The following ZFYVE9 variants were observed in gnomAD, a reference collection of about 807,000 sequenced individuals.
The protein encoded by ZFYVE9 is zinc finger FYVE domain-containing protein 9.
A neutral mutation model predicts 126.7 loss-of-function variants in ZFYVE9; 43 were observed. That is an observed-to-expected ratio of 0.34 (90% CI 0.27 to 0.44). The LOEUF (loss-of-function observed/expected upper bound fraction) is 0.44. ZFYVE9 is among the 20% of genes least tolerant of loss of function. ZFYVE9 has a pLI of 1.00. For missense variants in ZFYVE9, 1,476 were observed against 1,697.0 expected, an observed-to-expected ratio of 0.87 and a Z score of 2.29; for synonymous variants, 521 against 597.4, an observed-to-expected ratio of 0.87 and a Z score of 1.87.
intron 4 of ZFYVE9, among the ~76,000 whole-genome samples, chr1:52,250,608 T>C (rs560421787): frequency 6.6e-6 from 1 of 152,222 alleles, no homozygotes; most frequent in Non-Finnish European, 1.5e-5. Context: ...GTGCCTTTTA[T>C]TTATTTTTAA....
At chr1:52,143,516 G>C (rs1644280573) in intron 1 of ZFYVE9, among the ~76,000 whole-genome samples, 1 of 152,218 alleles carries the variant, frequency 6.6e-6, no homozygotes, top group Admixed American at 6.5e-5. Flanking sequence ...TTATAGAAAG[G>C]TACCATGTTG....
intron 10 of ZFYVE9, among the ~76,000 whole-genome samples, chr1:52,285,659 A>T (rs1645851415): frequency 6.6e-6 from 1 of 152,200 alleles, no homozygotes; most frequent in African/African-American, 2.4e-5. Flanking sequence ...AAACAAGCTC[A>T]GGGATCCCAC....
At chr1:52,201,846 C>T (rs955959441) in intron 1 of ZFYVE9, among the ~76,000 whole-genome samples, 6 of 151,338 alleles carry the variant, frequency 4.0e-5, no homozygotes, top group Non-Finnish European at 8.8e-5. Flanking sequence ...TGCAGTGGCA[C>T]GATCTTGGCT....
At chr1:52,168,123 T>G (rs1426752950) in intron 1 of ZFYVE9, among the ~76,000 whole-genome samples, 1 of 152,096 alleles carries the variant, frequency 6.6e-6, no homozygotes. Context: ...GAAAACTTAT[T>G]AAAATCTGTC....
chr1:52,263,224 G>A (rs1237455707), intron 4 of ZFYVE9, among the ~76,000 whole-genome samples: 1 of 152,140 alleles, frequency 6.6e-6, no homozygotes, highest in South Asian at 2.1e-4. Context: ...ATTGCCTGCT[G>A]TGATTTCCTG....
intron 13 of ZFYVE9, among the ~76,000 whole-genome samples, chr1:52,318,817 G>A (rs1477546226): frequency 6.6e-6 from 1 of 152,104 alleles, no homozygotes; most frequent in Non-Finnish European, 1.5e-5. Context: ...GATACAGTAG[G>A]CCAGGTGTGG....
chr1:52,220,701 G>T (rs919298946), intron 2 of ZFYVE9, among the ~76,000 whole-genome samples: 3 of 152,084 alleles, frequency 2.0e-5, no homozygotes, highest in Admixed American at 2.0e-4. Flanking sequence ...CCTCATGAGG[G>T]GCTTAGACAG....
At chr1:52,155,272 C>T (rs1225555552) in intron 1 of ZFYVE9, among the ~76,000 whole-genome samples, 6 of 134,140 alleles carry the variant, frequency 4.5e-5, no homozygotes, top group African/African-American at 8.6e-5. Context: ...GTCTCGCTGT[C>T]GCCCAGGCTG....
chr1:52,319,810 C>T (rs150621404), intron 13 of ZFYVE9, among the ~76,000 whole-genome samples: 102 of 149,964 alleles, frequency 6.8e-4, no homozygotes, highest in Middle Eastern at 7.1e-3. Flanking sequence ...GTCAGGAGAT[C>T]GAGACCATCC....
intron 17 of ZFYVE9, among the ~76,000 whole-genome samples, chr1:52,340,835 A>G (rs1299694643): frequency 6.8e-6 from 1 of 147,676 alleles, no homozygotes. Context: ...CGGGAGGCAG[A>G]GGTTACAGTG....
chr1:52,255,964 TTTTCTTTCTTTCTTTCTTTCC>T (rs1645510563), intron 4 of ZFYVE9, among the ~76,000 whole-genome samples: 1 of 68,572 alleles, frequency 1.5e-5, no homozygotes, highest in African/African-American at 9.0e-5. Flanking sequence ...TTTTCTTTTC[TTTTCTTTCTTTCTTTCTTTCC>T]TTCCTTCCTT....
At chr1:52,325,522 A>G (rs1646282244) in intron 13 of ZFYVE9, among the ~76,000 whole-genome samples, 1 of 152,180 alleles carries the variant, frequency 6.6e-6, no homozygotes, top group Non-Finnish European at 1.5e-5. Context: ...TGTCTCAAGA[A>G]ATAAAAACAA....
At chr1:52,255,965 T>C (rs1557484216) in intron 4 of ZFYVE9, among the ~76,000 whole-genome samples, 5 of 56,762 alleles carry the variant, frequency 8.8e-5, no homozygotes, top group African/African-American at 3.3e-4. Flanking sequence ...TTTCTTTTCT[T>C]TTCTTTCTTT....
At chr1:52,168,570 T>C (rs370099801) in intron 1 of ZFYVE9, among the ~76,000 whole-genome samples, 9 of 149,282 alleles carry the variant, frequency 6.0e-5, no homozygotes, top group African/African-American at 1.7e-4. Flanking sequence ...CAGGCTGGAG[T>C]GCGGTGGCTT....
intron 7 of ZFYVE9, among the ~76,000 whole-genome samples, chr1:52,270,944 C>T (rs568202662): frequency 1.5e-4 from 23 of 152,186 alleles, no homozygotes; most frequent in Non-Finnish European, 2.8e-4. Flanking sequence ...AATCCCAGCA[C>T]TTTGGAAGGC....
chr1:52,311,068 G>A (rs956588462), intron 13 of ZFYVE9, among the ~76,000 whole-genome samples: 20 of 152,064 alleles, frequency 1.3e-4, no homozygotes, highest in Admixed American at 9.2e-4. Flanking sequence ...GTCTTACTGC[G>A]TTGCCCAGGT....
In ZFYVE9 at chr1:52,233,296, A is replaced by C. The variant is rs1344712215; in HGVS notation, c.70+20A>C. The C allele has an allele frequency of 6.4e-7, 1 of 1,555,928 alleles. No homozygotes were observed. Among genetic ancestry groups the C allele is most frequent in the Non-Finnish European group, 8.7e-7 (1 of 1,144,556 alleles). Reference sequence around the variant, plus strand: ...ACGAAGGTGAGAATTTATATTGGTGAATCTGTTTGCCTATGTGGTATAGAG... The same window carrying C: ...ACGAAGGTGAGAATTTATATTGGTGCATCTGTTTGCCTATGTGGTATAGAG... On this transcript the variant is annotated intron_variant, in intron 3 of 18. Coordinates refer to ENST00000287727, the MANE Select transcript of ZFYVE9 (RefSeq NM_004799.4).
At chr1:52,176,676 C>T (rs867902921) in intron 1 of ZFYVE9, among the ~76,000 whole-genome samples, 3 of 152,296 alleles carry the variant, frequency 2.0e-5, no homozygotes, top group South Asian at 2.1e-4. Flanking sequence ...CTTTGTTTAC[C>T]TAAGCAAGCC....
chr1:52,237,715 A>G lies in ZFYVE9; in HGVS notation c.298A>G (p.Ile100Val). The change falls in exon 4 of 19, where the codon ATT (isoleucine) becomes GTT (valine). Residue 100 changes from isoleucine (I) to valine (V), a missense_variant. Transcript: ENST00000287727. ...NGQDCNLNPE[I>V]ATMWIDENAV... The stretch of plus-strand genomic sequence containing the variant: ...ACAGGACTGTAATCTAAATCCAGAG[A>G]TTGCCACAATGTGGATTGATGAAAA... 6.2e-7 allele frequency: 1 copy of G among 1,614,118 alleles called. No homozygotes were observed. Among genetic ancestry groups the G allele is most frequent in the South Asian group, 1.1e-5 (1 of 91,082 alleles).
Sources: allele counts gnomAD v4.1 joint callset (sites outside exome capture counted in the v4.1 genomes callset), GRCh38; gene constraint gnomAD v4.1.1; transcripts MANE v1.5; gene names NCBI Gene and HGNC (gene_info 2026-07-23, HGNC 2026-07-21).